The following HPGD variants were observed in gnomAD, a reference collection of about 807,000 sequenced individuals.
HPGD encodes 15-hydroxyprostaglandin dehydrogenase.
Under a neutral mutation model 30.0 loss-of-function variants are expected in HPGD, and 29 were observed. That is an observed-to-expected ratio of 0.97 (90% CI 0.72 to 1.32). HPGD has a LOEUF of 1.32. HPGD is among the 40% of genes most tolerant of loss of function. The pLI is 0.00. For synonymous variants in HPGD, 99 were observed against 112.4 expected (o/e 0.88, Z 0.75); for missense variants, 340 against 322.1 (o/e 1.06, Z -0.43).
chr4:174,506,251 G>T (rs1163132836), intron 4 of HPGD, among the ~76,000 whole-genome samples: 1 of 152,148 alleles, frequency 6.6e-6, no homozygotes, highest in African/African-American at 2.4e-5. Context: ...GACTTTACTG[G>T]AAGTATCAAA....
In HPGD at chr4:174,508,744, G is replaced by C; in HGVS notation, c.373C>G (p.Gln125Glu). The change falls in exon 4 of 7, where the codon CAA becomes GAA. Residue 125 changes from glutamine (Q) to glutamate (E), a missense_variant. Transcript: ENST00000296522. ...ATGATGCCGCCTTCACCTCCATTTTGCTTACTCATGTAATCCAAACCAAGA... is the reference window on the plus strand; with the variant it reads ...ATGATGCCGCCTTCACCTCCATTTTCCTTACTCATGTAATCCAAACCAAGA... ...TYLGLDYMSK[Q>E]NGGEGGIIIN... is the part of the protein sequence containing the mutation. 6.2e-7 allele frequency: 1 copy of C among 1,610,890 alleles called. No homozygotes were observed. Among genetic ancestry groups the C allele is most frequent in the Non-Finnish European group, 8.5e-7 (1 of 1,177,488 alleles).
intron 3 of HPGD, among the ~76,000 whole-genome samples, chr4:174,513,986 C>T (rs1274116978): frequency 6.6e-6 from 1 of 151,934 alleles, no homozygotes; most frequent in Non-Finnish European, 1.5e-5. Context: ...GATAAGAATG[C>T]CTCTGTTGAG....
At position 174,508,776 on chromosome 4, in the gene HPGD, C is replaced by T. The variant is rs750560431; in HGVS notation, c.341G>A (p.Gly114Glu). The T allele has an allele frequency of 1.1e-5, 17 of 1,590,642 alleles. No homozygotes were observed. Among genetic ancestry groups the T allele is most frequent in the Non-Finnish European group, 1.5e-5 (17 of 1,159,228 alleles). The change falls in exon 4 of 7, where the codon GGA (glycine) becomes GAA (glutamate). Residue 114 changes from glycine (G) to glutamate (E), a missense_variant. Transcript: ENST00000296522. ...LQINLVSVIS[G>E]TYLGLDYMSK... ...CATGTAATCCAAACCAAGATAGGTT[C>T]CACTGATAACAGAAACCTAATCCAG...
At position 174,496,061 on chromosome 4, in the gene HPGD, A is replaced by G. The variant is rs973555184; in HGVS notation, c.422-437T>C. Among the ~76,000 whole-genome samples the G allele has an allele frequency of 6.6e-6, 1 of 152,212 alleles. No homozygotes were observed. Among genetic ancestry groups the G allele is most frequent in the Non-Finnish European group, 1.5e-5 (1 of 68,044 alleles). Reference sequence around the variant, plus strand: ...GCTGAAGGAATTTGAATCTTCAGAGAGTCTTGGAGATTATTAGTCTTCACT... The same window carrying G: ...GCTGAAGGAATTTGAATCTTCAGAGGGTCTTGGAGATTATTAGTCTTCACT... On this transcript the variant is annotated intron_variant, in intron 4 of 6. Coordinates refer to ENST00000296522, the MANE Select transcript of HPGD (RefSeq NM_000860.6). The surrounding 1 kb of genome is among the most constrained non-coding windows in gnomAD (Gnocchi z 4.6).
At chr4:174,507,852 G>A (rs1339383780) in intron 4 of HPGD, 1 of 430,818 alleles carries the variant, frequency 2.3e-6, no homozygotes, top group African/African-American at 1.9e-5. Flanking sequence ...AAATACTATA[G>A]TTTAGGATTG....
intron 4 of HPGD, among the ~76,000 whole-genome samples, chr4:174,505,196 A>C (rs1735123617): frequency 6.6e-6 from 1 of 152,202 alleles, no homozygotes; most frequent in African/African-American, 2.4e-5. Flanking sequence ...ATTACTCATT[A>C]ACTTCTCTAC....
Position 174,522,418 on chromosome 4 carries a change from C to G in HPGD, c.34G>C (p.Gly12Arg). The G allele has an allele frequency of 6.3e-7, 1 of 1,583,284 alleles. No homozygotes were observed. The highest frequency in any genetic ancestry group is 2.3e-5 in the East Asian group (1 of 43,446). ...HVNGKVALVT[G>R]AAQGIGRAFA... The stretch of plus-strand genomic sequence containing the variant: ...GCTCTGCCTATGCCCTGAGCCGCGC[C>G]GGTCACCAGCGCCACTTTGCCGTTC... Residue 12 changes from glycine to arginine, a missense_variant, in exon 1 of 7, where the codon GGC (glycine) becomes CGC (arginine). Gly to Arg is a moderately radical substitution (Grantham distance 125, BLOSUM62 -2). Transcript: ENST00000296522.
At chr4:174,520,062 A>G (rs1337210771) in intron 2 of HPGD, among the ~76,000 whole-genome samples, 2 of 151,970 alleles carry the variant, frequency 1.3e-5, no homozygotes, top group Admixed American at 1.3e-4. Context: ...CATTCTGAGT[A>G]TGTTCTAACT....
At position 174,521,872 on chromosome 4, in the gene HPGD, G is replaced by A. The variant is rs898242132; in HGVS notation, c.217+72C>T. 3 of 1,597,730 alleles carry A rather than the reference G, an allele frequency of 1.9e-6. No individual in the cohort carries two copies. In the African/African-American group the frequency reaches 4.0e-5, roughly 21 times the overall value. ...GCGGAGGCGGCACCCAGGGCCCCCT[G>A]GCCGGGCTGCCTTCAGGTTGTTGCT... On this transcript the variant is annotated intron_variant, in intron 2 of 6. Transcript: ENST00000296522.
chr4:174,516,640 A>G (rs889131530), intron 3 of HPGD, among the ~76,000 whole-genome samples: 2 of 152,164 alleles, frequency 1.3e-5, no homozygotes, highest in Non-Finnish European at 2.9e-5. Context: ...ACCTAAAATA[A>G]AAGTTGGAAA....
At chr4:174,504,289 G>T (rs1337138505) in intron 4 of HPGD, among the ~76,000 whole-genome samples, 1 of 151,944 alleles carries the variant, frequency 6.6e-6, no homozygotes, top group Non-Finnish European at 1.5e-5. Context: ...TATGCCACTG[G>T]GTTGTTACTT....
intron 4 of HPGD, among the ~76,000 whole-genome samples, chr4:174,503,407 C>G (rs999817509): frequency 1.3e-5 from 2 of 152,204 alleles, no homozygotes; most frequent in Non-Finnish European, 2.9e-5. Flanking sequence ...CATTGTTCAA[C>G]TATAAATTGG....
chr4:174,514,094 T>C (rs1256698241), intron 3 of HPGD, among the ~76,000 whole-genome samples: 1 of 152,022 alleles, frequency 6.6e-6, no homozygotes, highest in Non-Finnish European at 1.5e-5. Context: ...GATAGTACAA[T>C]TTATAAGTAC....
intron 5 of HPGD, among the ~76,000 whole-genome samples, chr4:174,495,042 T>C (rs1486359474): frequency 5.3e-5 from 8 of 152,202 alleles, no homozygotes; most frequent in Non-Finnish European, 1.0e-4. Flanking sequence ...TGTCAATGCA[T>C]GTGATCAATT....
intron 4 of HPGD, among the ~76,000 whole-genome samples, chr4:174,508,421 A>G (rs372158131): frequency 1.3e-5 from 2 of 152,220 alleles, no homozygotes; most frequent in East Asian, 3.9e-4. Context: ...TCTCACCACA[A>G]CCTTTGAAAA....
Position 174,501,795 on chromosome 4 carries a change from AT to A in HPGD, c.422-6172del, listed in dbSNP as rs1407936739. Among the ~76,000 whole-genome samples the A allele has an allele frequency of 8.5e-5, 13 of 152,250 alleles. No individual in the cohort carries two copies. In the South Asian group the frequency reaches 2.7e-3, roughly 32 times the overall value. The stretch of plus-strand genomic sequence containing the variant: ...CAAAGAAAGTCATTCAGAAAAAAAA[AT>A]GTAAATTCCATCTCTACATTAGTTC... On this transcript the variant is annotated intron_variant, in intron 4 of 6. Transcript: ENST00000296522.
At chr4:174,522,530 C>A, upstream of HPGD, 3 of 1,101,028 alleles carry the variant, frequency 2.7e-6, no homozygotes, top group Non-Finnish European at 2.5e-6. Flanking sequence ...CCCCTGCGCG[C>A]GCGCGCGTGC....
rs1002191416 is a variant in HPGD, at chr4:174,496,538, T to C, written c.422-914A>G. 1.3e-5 allele frequency among the ~76,000 whole-genome samples: 2 copies of C among 152,206 alleles called. No individual in the cohort carries two copies. Among genetic ancestry groups the C allele is most frequent in the African/African-American group, 2.4e-5 (1 of 41,454 alleles). ...GTTAATTATCTAATCAGCAATCAAA[T>C]TGAACCAGAGTCATTCTTGTATTTG... On this transcript the variant is annotated intron_variant, in intron 4 of 6. Transcript: ENST00000296522. This position sits in a 1 kb window ranked among gnomAD's most constrained non-coding sequence, Gnocchi z 4.6.
At chr4:174,510,823 T>C (rs2110842634) in intron 3 of HPGD, among the ~76,000 whole-genome samples, 1 of 152,310 alleles carries the variant, frequency 6.6e-6, no homozygotes, top group Non-Finnish European at 1.5e-5. Flanking sequence ...CGTGTGTCTA[T>C]ATATTATATA....
Sources: gnomAD v4.1 joint callset for allele counts (sites outside exome capture counted in the v4.1 genomes callset) on GRCh38, gnomAD v4.1.1 for gene constraint, Gnocchi (gnomAD v3.1) non-coding constraint, MANE v1.5 for transcripts, NCBI Gene and HGNC (gene_info 2026-07-23, HGNC 2026-07-21) for gene names.